Variants in SPAST observed in about 807,000 individuals in gnomAD.
SPAST encodes the protein spastin.
A neutral mutation model predicts 76.6 loss-of-function variants in SPAST; 30 were observed. That is an observed-to-expected ratio of 0.39 (90% CI 0.29 to 0.53). SPAST has a LOEUF of 0.53. Ranked by LOEUF, SPAST falls within the 20% of genes least tolerant of loss-of-function variation. The probability of loss-of-function intolerance (pLI) is 0.68; values close to 1 mark genes in which losing one functional copy is unlikely to be tolerated. For missense variants in SPAST, 717 were observed against 770.5 expected (o/e 0.93, Z 0.82); for synonymous variants, 305 against 281.0 (o/e 1.09, Z -0.86).
chr2:32,116,280 TAAAG>T, intron 7 of SPAST, 68 bp downstream of exon 7: 2 of 963,254 alleles, frequency 2.1e-6, no homozygotes, highest in Non-Finnish European at 1.7e-6. Flanking sequence ...GTAGTAGTAG[TAAAG>T]AAATATTTGA....
chr2:32,064,163 G>A lies in SPAST; in HGVS notation c.332G>A (p.Gly111Asp). 1 of 1,551,990 alleles carries A rather than the reference G, an allele frequency of 6.4e-7. No homozygotes were observed. Among genetic ancestry groups the A allele is most frequent in the Non-Finnish European group, 8.7e-7 (1 of 1,148,450 alleles). Residue 111 changes from glycine to aspartate, a missense_variant, in exon 1 of 17, where the codon GGC (glycine) becomes GAC (aspartate). This residue lies in a region of SPAST where 543 missense variants were observed against 445.2 expected (regional missense o/e 1.22). Coordinates refer to ENST00000315285, the MANE Select transcript of SPAST (RefSeq NM_014946.4). ...TCGGCCCCGGCGCCGGTGCCGGGCGGCGAGGCCGAGCGCGTCCGAGTCTTC... is the reference window on the plus strand; with the variant it reads ...TCGGCCCCGGCGCCGGTGCCGGGCGACGAGGCCGAGCGCGTCCGAGTCTTC... The part of the protein sequence containing the change: ...SASAPAPVPG[G>D]EAERVRVFHK...
chr2:32,113,975 C>G (rs1236258923), intron 4 of SPAST, among the ~76,000 whole-genome samples: 2 of 150,890 alleles, frequency 1.3e-5, no homozygotes, highest in African/African-American at 4.9e-5. Flanking sequence ...GATGGAATCT[C>G]TCTCTGTCGC....
At chr2:32,143,296 C>A in intron 13 of SPAST, 40 bp from the exon 14 acceptor site, 1 of 1,203,516 alleles carries the variant, frequency 8.3e-7, no homozygotes, top group Non-Finnish European at 1.2e-6. Flanking sequence ...ATCATTAATT[C>A]TGAAATTAGA....
At chr2:32,077,786 C>T (rs550091588) in intron 1 of SPAST, 2 of 152,152 alleles carry the variant, frequency 1.3e-5, no homozygotes, top group African/African-American at 4.8e-5. Flanking sequence ...TATCTCTTAC[C>T]TCTATTTAAA....
Position 32,064,209 on chromosome 2 carries a change from C to T in SPAST, c.378C>T (p.Tyr126=), listed in dbSNP as rs752168544. 1.3e-6 allele frequency: 2 copies of T among 1,550,042 alleles called. No homozygotes were observed. The highest frequency in any genetic ancestry group is 1.2e-5 in the South Asian group (1 of 84,352). The change falls in exon 1 of 17, where the codon TAC becomes TAT. Residue 126 remains tyrosine, a synonymous_variant. Transcript: ENST00000315285. ...VRVFHKQAFE[Y]ISIALRIDED... ...TCTTCCACAAACAGGCCTTCGAGTA[C>T]ATCTCCATTGCCCTGCGCATCGATG...
At chr2:32,091,794 A>G (rs1013164812) in intron 3 of SPAST, among the ~76,000 whole-genome samples, 4 of 151,864 alleles carry the variant, frequency 2.6e-5, no homozygotes, top group African/African-American at 9.7e-5. Context: ...AGATCATGCC[A>G]CTGCACTCCA....
At chr2:32,088,838 G>T (rs913119189) in intron 2 of SPAST, among the ~76,000 whole-genome samples, 8 of 152,088 alleles carry the variant, frequency 5.3e-5, no homozygotes, top group Non-Finnish European at 1.2e-4. Context: ...TAATATCTGT[G>T]ACCAAATTGG....
Position 32,063,558 on chromosome 2 carries a change from G to A in SPAST, c.-274G>A. On this transcript the variant is annotated 5_prime_UTR_variant, in exon 1 of 17. Transcript: ENST00000315285. ...AACACGGGAAGACGTGCGCGTGCGC[G>A]GCCGCCGCTGGGAGCCACCAGGCGG... The A allele has an allele frequency of 4.1e-6, 2 of 492,260 alleles. No homozygotes were observed. Among genetic ancestry groups the A allele is most frequent in the Admixed American group, 7.9e-5 (2 of 25,364 alleles). 30.5% of individuals were successfully genotyped at this position (492,260 alleles called of 1,614,324 possible).
chr2:32,075,877 A>T (rs1453462773), intron 1 of SPAST, among the ~76,000 whole-genome samples: 43 of 92,790 alleles, frequency 4.6e-4, no homozygotes, highest in South Asian at 2.5e-3. Context: ...TTTTTTTTTA[A>T]TGAAAAATTC....
At chr2:32,076,593 T>C (rs934214727) in intron 1 of SPAST, among the ~76,000 whole-genome samples, 1 of 152,134 alleles carries the variant, frequency 6.6e-6, no homozygotes, top group Non-Finnish European at 1.5e-5. Flanking sequence ...TCAGGGGCTA[T>C]TAGTAATTCA....
intron 7 of SPAST, among the ~76,000 whole-genome samples, chr2:32,120,632 C>T (rs530653770): frequency 2.2e-5 from 3 of 135,704 alleles, no homozygotes; most frequent in African/African-American, 8.3e-5. Flanking sequence ...TCTTTTCATT[C>T]GAGACCAAAT....
intron 1 of SPAST, among the ~76,000 whole-genome samples, chr2:32,074,669 G>T (rs1326630178): frequency 6.6e-6 from 1 of 151,976 alleles, no homozygotes; most frequent in African/African-American, 2.4e-5. Context: ...ACCACACCCG[G>T]CTAATTTTTG....
In SPAST at chr2:32,115,734, T is replaced by C. The variant is rs1207535463; in HGVS notation, c.903T>C (p.Pro301=). Residue 301 remains proline, a synonymous_variant, in exon 6 of 17, where the codon CCT becomes CCC. Coordinates refer to ENST00000315285, the MANE Select transcript of SPAST (RefSeq NM_014946.4). ...GTPKTNRTNK[P]STPTTATRKK... ...CGAAAACAAATAGGACAAATAAACC[T>C]TCTACCCCTACAACTGCTACTCGTA... The C allele has an allele frequency of 2.5e-6, 4 of 1,611,198 alleles. No homozygotes were observed. Among genetic ancestry groups the C allele is most frequent in the Admixed American group, 1.7e-5 (1 of 59,988 alleles).
intron 4 of SPAST, among the ~76,000 whole-genome samples, chr2:32,101,759 A>G (rs537458142): frequency 1.3e-5 from 2 of 152,146 alleles, no homozygotes; most frequent in South Asian, 4.1e-4. Flanking sequence ...TGTTTTTGTC[A>G]GGTTTGTCAA....
At chr2:32,126,700 T>G (rs1679205909) in intron 7 of SPAST, 1 of 361,462 alleles carries the variant, frequency 2.8e-6, no homozygotes, top group Admixed American at 4.3e-5. Flanking sequence ...TTGCCCAAGC[T>G]GGTCTTGAAC....
intron 4 of SPAST, among the ~76,000 whole-genome samples, chr2:32,104,339 G>A (rs1678236930): frequency 6.6e-6 from 1 of 152,070 alleles, no homozygotes; most frequent in Non-Finnish European, 1.5e-5. Context: ...TTGAGCCTAT[G>A]TGTGTCTCTG....
At chr2:32,152,878 G>A (rs1331000419) in intron 16 of SPAST, among the ~76,000 whole-genome samples, 1 of 151,852 alleles carries the variant, frequency 6.6e-6, no homozygotes, top group East Asian at 1.9e-4. Context: ...TTCCCTAGTA[G>A]CTGAGACTAC....
At chr2:32,122,952 A>G (rs1679066165) in intron 7 of SPAST, among the ~76,000 whole-genome samples, 1 of 152,120 alleles carries the variant, frequency 6.6e-6, no homozygotes, top group Non-Finnish European at 1.5e-5. Flanking sequence ...GCAGTGAACA[A>G]CTGGAATTTG....
chr2:32,089,620 A>G lies in SPAST; in HGVS notation c.586+15A>G, dbSNP rs1677632022. ...ACAACTTCTAGGTATCAATTAATGT[A>G]TAATTTGATGTGGGATGTATTGGAA... is the stretch of plus-strand genomic sequence containing the variant. On this transcript the variant is annotated intron_variant, in intron 3 of 16. Transcript: ENST00000315285. The G allele has an allele frequency of 7.6e-7, 1 of 1,312,190 alleles. No homozygotes were observed. The highest frequency in any genetic ancestry group is 1.1e-6 in the Non-Finnish European group (1 of 904,212). The allele number at this position is 1,312,190 out of a possible 1,614,324, so 81.3% of individuals were successfully genotyped here. A position where few individuals can be genotyped will look rare whatever the true frequency, so the allele number is the denominator to read the frequency against.
Sources: allele counts gnomAD v4.1 joint callset (sites outside exome capture counted in the v4.1 genomes callset), GRCh38; gene constraint gnomAD v4.1.1; regional missense constraint gnomAD v4.1.1; transcripts MANE v1.5; gene names NCBI Gene and HGNC (gene_info 2026-07-23, HGNC 2026-07-21).